The following FMN2 variants were observed in gnomAD, a reference collection of about 807,000 sequenced individuals.
FMN2 encodes the protein formin 2.
FMN2 carries 51 observed loss-of-function variants against 142.3 expected under a neutral mutation model. That is an observed-to-expected ratio of 0.36 (90% CI 0.29 to 0.45). FMN2 has a LOEUF of 0.45. Among genes scored for constraint, FMN2 ranks in the 20% least tolerant of loss-of-function variants. FMN2 has a pLI of 1.00. For synonymous variants in FMN2, 882 were observed against 869.8 expected (o/e 1.01, Z -0.25); for missense variants, 1,936 against 2,122.8 (o/e 0.91, Z 1.73).
intron 4 of FMN2, among the ~76,000 whole-genome samples, chr1:240,204,360 G>T (rs1327619031): frequency 6.6e-6 from 1 of 152,292 alleles, no homozygotes; most frequent in East Asian, 1.9e-4. Context: ...AGCTACTTGG[G>T]TTGCTGAGCT....
chr1:240,245,609 C>T lies in FMN2; in HGVS notation c.4066-12336C>T, dbSNP rs12028637. The T allele has an allele frequency of 2.2e-4, 103 of 471,054 alleles. No individual in the cohort carries two copies. The East Asian group carries it at 7.0e-3, about 32-fold the overall frequency. 29.2% of individuals were successfully genotyped at this position (471,054 alleles called of 1,614,324 possible). ...TATGGTTTTCCGTGCATTTACCCTA[C>T]TGCCTAGCACAATGCCTGATGTGTA... is the stretch of plus-strand genomic sequence containing the variant. On this transcript the variant is annotated intron_variant, in intron 6 of 17. Coordinates refer to ENST00000319653, the MANE Select transcript of FMN2 (RefSeq NM_020066.5).
At chr1:240,315,686 G>A (rs1325305488) in intron 8 of FMN2, among the ~76,000 whole-genome samples, 1 of 152,152 alleles carries the variant, frequency 6.6e-6, no homozygotes, top group Non-Finnish European at 1.5e-5. Flanking sequence ...GTTCTCCTCA[G>A]TCCTTGGCAT....
chr1:240,209,821 A>G (rs61829165), intron 5 of FMN2, among the ~76,000 whole-genome samples: 9,066 of 151,638 alleles, frequency 0.06, 348 homozygotes, highest in South Asian at 0.14. Flanking sequence ...GGAGAATGGC[A>G]TGAACCCGGG....
intron 8 of FMN2, among the ~76,000 whole-genome samples, chr1:240,308,661 T>C (rs1228213545): frequency 6.6e-6 from 1 of 151,832 alleles, no homozygotes; most frequent in Non-Finnish European, 1.5e-5. Context: ...TCAGAGACCT[T>C]TCAGAGTTAA....
At chr1:240,195,901 G>C (rs1247205690) in intron 4 of FMN2, among the ~76,000 whole-genome samples, 1 of 152,124 alleles carries the variant, frequency 6.6e-6, no homozygotes, top group African/African-American at 2.4e-5. Context: ...TGAGCTACTT[G>C]GGAGGCTGAG....
intron 6 of FMN2, among the ~76,000 whole-genome samples, chr1:240,224,520 C>G (rs578024989): frequency 3.2e-4 from 48 of 152,064 alleles, no homozygotes; most frequent in Non-Finnish European, 5.9e-4. Flanking sequence ...CTAATAGGAC[C>G]AAAGATTTCA....
chr1:240,396,543 T>TAA (rs1673784521), intron 15 of FMN2, among the ~76,000 whole-genome samples: 1 of 152,074 alleles, frequency 6.6e-6, no homozygotes, highest in Non-Finnish European at 1.5e-5. Flanking sequence ...GCTTAGAATC[T>TAA]AAATGGTTCT....
chr1:240,441,947 C>T (rs139726989), intron 16 of FMN2, among the ~76,000 whole-genome samples: 12 of 151,266 alleles, frequency 7.9e-5, no homozygotes, highest in Admixed American at 1.3e-4. Context: ...AAGAGAGAGA[C>T]AGAGAGAGAG....
intron 8 of FMN2, among the ~76,000 whole-genome samples, chr1:240,304,975 A>G (rs1223860221): frequency 6.6e-6 from 1 of 152,156 alleles, no homozygotes; most frequent in African/African-American, 2.4e-5. Context: ...TGCTAGTACA[A>G]TTGTCTAGAT....
intron 8 of FMN2, among the ~76,000 whole-genome samples, chr1:240,328,318 A>T (rs1290038384): frequency 6.6e-6 from 1 of 151,758 alleles, no homozygotes; most frequent in Non-Finnish European, 1.5e-5. Flanking sequence ...TAAAAATGTT[A>T]TGAAACCTTT....
At chr1:240,224,694 C>T (rs1448600522) in intron 6 of FMN2, among the ~76,000 whole-genome samples, 5 of 152,078 alleles carry the variant, frequency 3.3e-5, no homozygotes, top group African/African-American at 9.7e-5. Context: ...TCGTGCTGCT[C>T]GCCGCACAGA....
Position 240,143,350 on chromosome 1 carries a change from A to G in FMN2, c.1782+20005A>G, listed in dbSNP as rs1441008288. The G allele has an allele frequency of 6.7e-6, 10 of 1,482,018 alleles. No individual in the cohort carries two copies. The Admixed American group carries it at 8.4e-5, about 12-fold the overall frequency. The allele number at this position is 1,482,018 out of a possible 1,614,324, so 91.8% of individuals were successfully genotyped here. On this transcript the variant is annotated intron_variant, in intron 2 of 17. Transcript: ENST00000319653. ...CCGGAGTGCAGGCTCCCCATATCTCAGCAAGTGGCCAAAGGTTCATAGTGC... is the reference window on the plus strand; with the variant it reads ...CCGGAGTGCAGGCTCCCCATATCTCGGCAAGTGGCCAAAGGTTCATAGTGC...
intron 6 of FMN2, among the ~76,000 whole-genome samples, chr1:240,228,341 AAAAGAAAAAGAAAG>A (rs1667414486): frequency 1.3e-5 from 1 of 79,148 alleles, no homozygotes; most frequent in Non-Finnish European, 2.4e-5. Context: ...AAGAAAAAGA[AAAAGAAAAAGAAAG>A]AAAAAAAATG....
chr1:240,101,377 G>A (rs1173520929), intron 1 of FMN2, among the ~76,000 whole-genome samples: 3 of 152,186 alleles, frequency 2.0e-5, no homozygotes, highest in African/African-American at 4.8e-5. Context: ...TTTATACCAC[G>A]GAGTAATTGA....
At position 240,333,871 on chromosome 1, in the gene FMN2, T is replaced by C. The variant is rs1671467460; in HGVS notation, c.4585-16T>C. On this transcript the variant is annotated splice_polypyrimidine_tract_variant and intron_variant, in intron 11 of 17. Coordinates refer to ENST00000319653, the MANE Select transcript of FMN2 (RefSeq NM_020066.5). ...TTAAAAAATATATTGTCACTGACTT[T>C]GGTCTTTCTGCCTAGGACAATAGCA... 4 of 1,579,822 alleles carry C rather than the reference T, an allele frequency of 2.5e-6. No individual in the cohort carries two copies. The highest frequency in any genetic ancestry group is 3.7e-4 in the Middle Eastern group (2 of 5,352).
intron 8 of FMN2, among the ~76,000 whole-genome samples, chr1:240,300,814 GT>G (rs1184283395): frequency 2.0e-5 from 3 of 150,722 alleles, no homozygotes; most frequent in Admixed American, 1.3e-4. Context: ...TTCTTCTTCA[GT>G]TTAGTAATAC....
intron 2 of FMN2, among the ~76,000 whole-genome samples, chr1:240,152,348 C>T (rs1332828894): frequency 1.3e-5 from 2 of 151,770 alleles, no homozygotes; most frequent in Non-Finnish European, 2.9e-5. Flanking sequence ...TTTATTCCTT[C>T]CCTTAACTCA....
At chr1:240,196,765 G>A (rs61829160) in intron 4 of FMN2, among the ~76,000 whole-genome samples, 6,579 of 152,078 alleles carry the variant, frequency 0.043, 200 homozygotes, top group Non-Finnish European at 0.067. Context: ...CGCCGGCCTC[G>A]ACCTCCCAAA....
intron 16 of FMN2, chr1:240,459,544 C>G (rs1276659800): frequency 6.6e-6 from 1 of 151,694 alleles, no homozygotes. Context: ...ATGGTGAAAC[C>G]CCATCCTACT....
Sources: gnomAD v4.1 joint callset for allele counts (sites outside exome capture counted in the v4.1 genomes callset) on GRCh38, gnomAD v4.1.1 for gene constraint, MANE v1.5 for transcripts, NCBI Gene and HGNC (gene_info 2026-07-23, HGNC 2026-07-21) for gene names.